The following SEMA3A variants were observed in gnomAD, a reference collection of about 807,000 sequenced individuals.
SEMA3A encodes the protein semaphorin-3A.
A neutral mutation model predicts 97.9 loss-of-function variants in SEMA3A; 29 were observed. The observed-to-expected ratio is 0.30, with a 90% CI of 0.22 to 0.40. The LOEUF (loss-of-function observed/expected upper bound fraction) is 0.40, where lower values mean the gene tolerates loss of function less well. Among genes scored for constraint, SEMA3A ranks in the 10% least tolerant of loss-of-function variants. The pLI is 1.00. For missense variants in SEMA3A, 763 were observed against 951.3 expected (o/e 0.80, Z 2.60); for synonymous variants, 321 against 323.7 (o/e 0.99, Z 0.09).
chr7:84,304,552 C>A (rs936166832), intron 3 of SEMA3A, among the ~76,000 whole-genome samples: 1 of 152,008 alleles, frequency 6.6e-6, no homozygotes, highest in East Asian at 1.9e-4. Flanking sequence ...TTTCAAAATT[C>A]AATTTATAAA....
At chr7:84,444,382 A>C (rs559380945) in intron 1 of SEMA3A, among the ~76,000 whole-genome samples, 1 of 152,286 alleles carries the variant, frequency 6.6e-6, no homozygotes, top group South Asian at 2.1e-4. Flanking sequence ...TTAATTTTTC[A>C]GTCAAAAACA....
intron 4 of SEMA3A, among the ~76,000 whole-genome samples, chr7:84,101,660 T>C (rs1431803084): frequency 6.6e-6 from 1 of 152,168 alleles, no homozygotes; most frequent in Admixed American, 6.6e-5. Flanking sequence ...TAAATAATAT[T>C]ATCATAAGCA....
chr7:84,213,468 A>C (rs1446582136), intron 3 of SEMA3A, among the ~76,000 whole-genome samples: 1 of 152,100 alleles, frequency 6.6e-6, no homozygotes, highest in Non-Finnish European at 1.5e-5. Flanking sequence ...AATGTTTTTT[A>C]TAGATGAGGT....
At chr7:84,039,219 A>G (rs1285357896) in intron 6 of SEMA3A, among the ~76,000 whole-genome samples, 1 of 152,164 alleles carries the variant, frequency 6.6e-6, no homozygotes, top group Admixed American at 6.6e-5. Flanking sequence ...GAAAAACAGT[A>G]TGAGATATTA....
intron 1 of SEMA3A, among the ~76,000 whole-genome samples, chr7:84,442,569 A>T (rs2116343421): frequency 6.6e-6 from 1 of 152,266 alleles, no homozygotes; most frequent in East Asian, 1.9e-4. Context: ...AAAGAAAGGT[A>T]TGTCATATAA....
chr7:84,434,391 A>G (rs1805069771), intron 1 of SEMA3A, among the ~76,000 whole-genome samples: 1 of 152,174 alleles, frequency 6.6e-6, no homozygotes, highest in African/African-American at 2.4e-5. Flanking sequence ...GACCAAAAAA[A>G]GCCCTGGACA....
chr7:84,105,593 CT>C (rs887663292), intron 4 of SEMA3A, among the ~76,000 whole-genome samples: 3 of 151,088 alleles, frequency 2.0e-5, no homozygotes, highest in Admixed American at 6.6e-5. Context: ...CTGGGCCTGC[CT>C]TTTTTTTTAT....
At chr7:84,484,881 G>A (rs922834889) in intron 1 of SEMA3A, among the ~76,000 whole-genome samples, 2 of 152,120 alleles carry the variant, frequency 1.3e-5, no homozygotes, top group Non-Finnish European at 2.9e-5. Context: ...CCAAAGGAAT[G>A]GAACTATAAT....
At chr7:84,402,602 C>A (rs931214125) in intron 1 of SEMA3A, among the ~76,000 whole-genome samples, 4 of 151,994 alleles carry the variant, frequency 2.6e-5, no homozygotes, top group African/African-American at 9.7e-5. Context: ...AAGTGTCCAT[C>A]AATGGATGTA....
chr7:84,074,031 T>G (rs1176430867), intron 4 of SEMA3A, among the ~76,000 whole-genome samples: 2 of 152,196 alleles, frequency 1.3e-5, no homozygotes, highest in African/African-American at 4.8e-5. Context: ...CATTTACATC[T>G]GCTTTTATTC....
At position 83,962,274 on chromosome 7, in the gene SEMA3A, A is replaced by G. The variant is rs373207733; in HGVS notation, c.1861-448T>C. Among the ~76,000 whole-genome samples, 44 of 152,234 alleles carry G rather than the reference A, an allele frequency of 2.9e-4. No homozygotes were observed. In the East Asian group the frequency reaches 7.4e-3, roughly 25 times the overall value. ...ATTTTAAAAAAATAGAAGTTGAACA[A>G]GCAGAACATTTCATGCTTACTAATT... On this transcript the variant is annotated intron_variant, in intron 16 of 16. Transcript: ENST00000265362.
intron 3 of SEMA3A, among the ~76,000 whole-genome samples, chr7:84,299,344 C>CTT (rs1800949406): frequency 7.4e-6 from 1 of 135,140 alleles, no homozygotes; most frequent in African/African-American, 2.9e-5. Context: ...ATGTATCTCT[C>CTT]TCTCTCTCTC....
chr7:84,270,930 A>G (rs1800133051), intron 3 of SEMA3A, among the ~76,000 whole-genome samples: 1 of 151,880 alleles, frequency 6.6e-6, no homozygotes, highest in Non-Finnish European at 1.5e-5. Context: ...TAATCCTCTG[A>G]TCCTACCTGG....
chr7:84,190,959 AT>A (rs1798020222), intron 1 of SEMA3A, among the ~76,000 whole-genome samples: 1 of 80,890 alleles, frequency 1.2e-5, no homozygotes, highest in Non-Finnish European at 2.4e-5. Flanking sequence ...ATGTATTGGT[AT>A]ATACACACAC....
At chr7:84,400,384 T>C (rs907599583) in intron 1 of SEMA3A, among the ~76,000 whole-genome samples, 1 of 152,122 alleles carries the variant, frequency 6.6e-6, no homozygotes, top group African/African-American at 2.4e-5. Context: ...TCAATGAATT[T>C]CAAGAAAACA....
intron 1 of SEMA3A, among the ~76,000 whole-genome samples, chr7:84,142,243 G>A (rs1200240233): frequency 6.6e-6 from 1 of 152,104 alleles, no homozygotes; most frequent in African/African-American, 2.4e-5. Context: ...TCCATATTAT[G>A]TATAACACGT....
At chr7:84,249,059 C>T (rs866817001) in intron 3 of SEMA3A, among the ~76,000 whole-genome samples, 1 of 152,190 alleles carries the variant, frequency 6.6e-6, no homozygotes, top group African/African-American at 2.4e-5. Context: ...CAACTTTTCG[C>T]TTCCCTGTTT....
intron 3 of SEMA3A, among the ~76,000 whole-genome samples, chr7:84,286,155 A>C (rs1800583680): frequency 6.6e-6 from 1 of 152,166 alleles, no homozygotes; most frequent in East Asian, 1.9e-4. Flanking sequence ...CTCAACTTTA[A>C]AAAATACATC....
At chr7:84,461,648 T>C (rs1272811796) in intron 1 of SEMA3A, among the ~76,000 whole-genome samples, 1 of 152,162 alleles carries the variant, frequency 6.6e-6, no homozygotes, top group South Asian at 2.1e-4. Flanking sequence ...TTTTGGGACC[T>C]AAACAATGAC....
Sources: allele counts gnomAD v4.1 joint callset (sites outside exome capture counted in the v4.1 genomes callset), GRCh38; gene constraint gnomAD v4.1.1; transcripts MANE v1.5; gene names NCBI Gene and HGNC (gene_info 2026-07-23, HGNC 2026-07-21).